The following LRRTM4 variants were observed in gnomAD, a reference collection of about 807,000 sequenced individuals.
LRRTM4 encodes leucine rich repeat transmembrane neuronal 4.
In LRRTM4, 25 loss-of-function variants were observed where a neutral mutation model predicts 47.6. The ratio of observed to expected loss-of-function variants is 0.53; its 90% CI spans 0.38 to 0.73. The LOEUF (loss-of-function observed/expected upper bound fraction) is 0.73. LRRTM4 is among the 30% of genes least tolerant of loss of function. The pLI, the probability that LRRTM4 is intolerant of heterozygous loss-of-function variation, is 0.00. For missense variants in LRRTM4, 638 were observed against 713.4 expected, an observed-to-expected ratio of 0.89 and a Z score of 1.20; for synonymous variants, 311 against 269.5, an observed-to-expected ratio of 1.15 and a Z score of -1.51.
chr2:77,472,253 C>T (rs181648000), intron 3 of LRRTM4, among the ~76,000 whole-genome samples: 1 of 152,222 alleles, frequency 6.6e-6, no homozygotes, highest in Admixed American at 6.6e-5. Flanking sequence ...GTTAGGTGAT[C>T]TTCCTTCAGA....
chr2:77,382,312 A>G (rs1673084805), intron 3 of LRRTM4, among the ~76,000 whole-genome samples: 1 of 152,100 alleles, frequency 6.6e-6, no homozygotes, highest in African/African-American at 2.4e-5. Context: ...AAGAAAATGT[A>G]ATTTGCTTTT....
intron 3 of LRRTM4, among the ~76,000 whole-genome samples, chr2:77,343,216 T>A (rs1573284084): frequency 1.3e-5 from 2 of 152,040 alleles, no homozygotes; most frequent in Middle Eastern, 6.8e-3. Flanking sequence ...GTAAAGATAT[T>A]TTTTTCCGTA....
rs147531581 is a variant in LRRTM4 at position 77,011,476 on chromosome 2, G to A, written c.1552-262560C>T. On this transcript the variant is annotated intron_variant, in intron 3 of 3. Coordinates refer to ENST00000409884, the MANE Select transcript of LRRTM4 (RefSeq NM_001134745.3). ...GCAAGATTTTAACTGCATGCTTATT[G>A]TTGAGCTTGATGTCTCTAAAGTCAG... Among the ~76,000 whole-genome samples the A allele has an allele frequency of 5.4e-3, 817 of 151,138 alleles. 12 individuals carry two copies. Among genetic ancestry groups the A allele is most frequent in the African/African-American group, 0.019 (774 of 41,152 alleles).
At chr2:77,037,615 A>ACAAATATC (rs1678880733) in intron 3 of LRRTM4, among the ~76,000 whole-genome samples, 2 of 151,760 alleles carry the variant, frequency 1.3e-5, no homozygotes, top group African/African-American at 4.8e-5. Flanking sequence ...AATAGGATGC[A>ACAAATATC]CAAATATCCA....
chr2:77,246,245 C>T (rs1573135605), intron 3 of LRRTM4, among the ~76,000 whole-genome samples: 1 of 152,130 alleles, frequency 6.6e-6, no homozygotes, highest in Admixed American at 6.6e-5. Flanking sequence ...TCTGAATGTG[C>T]TTTCTAATCT....
At chr2:77,034,618 C>T (rs2104152760) in intron 3 of LRRTM4, among the ~76,000 whole-genome samples, 1 of 151,934 alleles carries the variant, frequency 6.6e-6, no homozygotes, top group South Asian at 2.1e-4. Flanking sequence ...GTTACGTATT[C>T]CTTTGTCTCC....
chr2:77,515,430 T>C (rs1679170388), intron 3 of LRRTM4, among the ~76,000 whole-genome samples: 1 of 151,856 alleles, frequency 6.6e-6, no homozygotes, highest in South Asian at 2.1e-4. Context: ...ATGGATATTG[T>C]AACCATATTT....
chr2:76,935,558 G>T (rs180723426), intron 3 of LRRTM4, among the ~76,000 whole-genome samples: 1 of 152,160 alleles, frequency 6.6e-6, no homozygotes, highest in Admixed American at 6.5e-5. Flanking sequence ...CCTTGAAAAG[G>T]TCCTTCACAT....
intron 3 of LRRTM4, among the ~76,000 whole-genome samples, chr2:77,484,254 T>C (rs7564840): frequency 0.58 from 87,869 of 152,104 alleles, 25,813 homozygotes; most frequent in Middle Eastern, 0.66. Flanking sequence ...GGATTTCTTA[T>C]GTAGATAACT....
At chr2:77,216,675 C>G (rs114363791) in intron 3 of LRRTM4, among the ~76,000 whole-genome samples, 387 of 152,202 alleles carry the variant, frequency 2.5e-3, no homozygotes, top group African/African-American at 9.1e-3. Flanking sequence ...TTGTGTTTTT[C>G]AATAGAAAGG....
intron 3 of LRRTM4, among the ~76,000 whole-genome samples, chr2:77,434,400 C>G (rs1675509155): frequency 6.6e-6 from 1 of 150,816 alleles, no homozygotes; most frequent in South Asian, 2.1e-4. Flanking sequence ...CAGAAACGTA[C>G]ATGCAACTTT....
intron 3 of LRRTM4, among the ~76,000 whole-genome samples, chr2:76,820,108 C>A (rs899125960): frequency 1.6e-4 from 24 of 151,888 alleles, no homozygotes; most frequent in African/African-American, 5.6e-4. Context: ...TTCTTCAACT[C>A]CCATTCTGTT....
At chr2:76,967,031 T>C (rs989775914) in intron 3 of LRRTM4, among the ~76,000 whole-genome samples, 2 of 151,566 alleles carry the variant, frequency 1.3e-5, no homozygotes, top group African/African-American at 4.8e-5. Context: ...ATAAATAAAT[T>C]TGTACTTAAT....
intron 3 of LRRTM4, among the ~76,000 whole-genome samples, chr2:77,067,565 G>C (rs1679997162): frequency 6.6e-6 from 1 of 151,744 alleles, no homozygotes; most frequent in South Asian, 2.1e-4. Flanking sequence ...GTAGAAAACA[G>C]ATCAATGATT....
chr2:77,047,156 G>C (rs774754259), intron 3 of LRRTM4, among the ~76,000 whole-genome samples: 4 of 151,954 alleles, frequency 2.6e-5, no homozygotes, highest in Non-Finnish European at 5.9e-5. Flanking sequence ...ATTTGTTTTT[G>C]CTTTGGTTTC....
At chr2:77,485,085 T>C (rs1677856856) in intron 3 of LRRTM4, among the ~76,000 whole-genome samples, 1 of 152,146 alleles carries the variant, frequency 6.6e-6, no homozygotes, top group Non-Finnish European at 1.5e-5. Context: ...TTCTATAAAC[T>C]ATGTTTACAT....
chr2:76,904,425 T>C (rs560350666), intron 3 of LRRTM4, among the ~76,000 whole-genome samples: 57 of 152,354 alleles, frequency 3.7e-4, no homozygotes, highest in Middle Eastern at 6.8e-3. Context: ...GCATGTCCTA[T>C]ATACTGACTT....
chr2:76,930,122 C>T (rs1484791355), intron 3 of LRRTM4, among the ~76,000 whole-genome samples: 1 of 152,072 alleles, frequency 6.6e-6, no homozygotes, highest in African/African-American at 2.4e-5. Context: ...TAATTTCTAA[C>T]AGCCAATCCA....
At chr2:77,238,212 A>G (rs72809127) in intron 3 of LRRTM4, among the ~76,000 whole-genome samples, 1 of 152,248 alleles carries the variant, frequency 6.6e-6, no homozygotes, top group Non-Finnish European at 1.5e-5. Context: ...TGTAACAATT[A>G]TTTTACGATC....
Sources: gnomAD v4.1 joint callset for allele counts (sites outside exome capture counted in the v4.1 genomes callset) on GRCh38, gnomAD v4.1.1 for gene constraint, MANE v1.5 for transcripts, NCBI Gene and HGNC (gene_info 2026-07-23, HGNC 2026-07-21) for gene names.